ADAMTS1: variants seen among roughly 807,000 people sequenced by gnomAD.
ADAMTS1 encodes the protein A disintegrin and metalloproteinase with thrombospondin motifs 1.
Under a neutral mutation model 87.9 loss-of-function variants are expected in ADAMTS1, and 19 were observed. The ratio of observed to expected loss-of-function variants is 0.22; its 90% CI spans 0.15 to 0.32. The LOEUF is 0.32. Ranked by LOEUF, ADAMTS1 falls within the 10% of genes least tolerant of loss-of-function variation. The pLI, the probability that ADAMTS1 is intolerant of heterozygous loss-of-function variation, is 1.00. For missense variants in ADAMTS1, 1,240 were observed against 1,259.1 expected (o/e 0.98, Z 0.23); for synonymous variants, 542 against 501.8 (o/e 1.08, Z -1.07).
chr21:26,841,737 T>C, intron 3 of ADAMTS1, 121 bp downstream of exon 3: 1 of 1,134,504 alleles, frequency 8.8e-7, no homozygotes, highest in Non-Finnish European at 1.2e-6. Context: ...ATATTTTCTA[T>C]AGTTTCTAAG....
At position 26,837,638 on chromosome 21, in the gene ADAMTS1, CACAGCTCTCATGAGATA is replaced by C. The variant is rs1179890569; in HGVS notation, c.2828_2844del (p.Leu943Ter). 6.2e-7 allele frequency: 1 copy of C among 1,614,194 alleles called. No homozygotes were observed. Among genetic ancestry groups the C allele is most frequent in the Non-Finnish European group, 8.5e-7 (1 of 1,180,048 alleles). On this transcript the variant is annotated frameshift_variant, in exon 9 of 9. Transcript: ENST00000284984. LOFTEE classifies it high-confidence loss of function. The stretch of plus-strand genomic sequence containing the variant: ...AAATGTTTAGGTTTCTTTAAAGGAT[CACAGCTCTCATGAGATA>C]ACACCCCTCCATCATGGGACAGACA...
intron 1 of ADAMTS1, chr21:26,843,734 C>T (rs755680358): frequency 1.4e-5 from 7 of 502,058 alleles, no homozygotes; most frequent in African/African-American, 1.4e-4. Context: ...CGTAGCCGCT[C>T]AGGGTACCTT....
At position 26,844,749 on chromosome 21, in the gene ADAMTS1, G is replaced by C. The variant is rs375835272; in HGVS notation, c.206C>G (p.Pro69Arg). 62 of 1,560,862 alleles carry C rather than the reference G, an allele frequency of 4.0e-5. No individual in the cohort carries two copies. Among genetic ancestry groups the C allele is most frequent in the African/African-American group, 6.8e-5 (5 of 74,058 alleles). Residue 69 changes from proline (P) to arginine (R), a missense_variant, in exon 1 of 9, where the codon CCG becomes CGG. Pro to Arg is a moderately radical substitution (Grantham distance 103). Transcript: ENST00000284984. ...ELVVPELERA[P>R]GHGTTRLRLH... is the part of the protein sequence containing the mutation. Reference sequence around the variant, plus strand: ...GCGGAGGCGCGTGGTCCCGTGTCCCGGGGCGCGCTCCAGCTCCGGCACCAC... The same window carrying C: ...GCGGAGGCGCGTGGTCCCGTGTCCCCGGGCGCGCTCCAGCTCCGGCACCAC...
At position 26,844,977 on chromosome 21, in the gene ADAMTS1, C is replaced by T. The variant is rs1985591951; in HGVS notation, c.-23G>A. 3 of 1,493,766 alleles carry T rather than the reference C, an allele frequency of 2.0e-6. No individual in the cohort carries two copies. Among genetic ancestry groups the T allele is most frequent in the Non-Finnish European group, 2.7e-6 (3 of 1,125,290 alleles). 92.5% of individuals were successfully genotyped at this position (1,493,766 alleles called of 1,614,324 possible). ...CATTGGAGCCCCAGGAGACACCGCTCGTAGCAGCGCACGGAGCGAGGGACC... is the reference window on the plus strand; with the variant it reads ...CATTGGAGCCCCAGGAGACACCGCTTGTAGCAGCGCACGGAGCGAGGGACC... On this transcript the variant is annotated 5_prime_UTR_variant, in exon 1 of 9. Coordinates refer to ENST00000284984, the MANE Select transcript of ADAMTS1 (RefSeq NM_006988.5).
At chr21:26,839,829 C>CT in intron 6 of ADAMTS1, 46 bp downstream of exon 6, 1 of 1,605,166 alleles carries the variant, frequency 6.2e-7, no homozygotes, top group Non-Finnish European at 8.5e-7. Flanking sequence ...GTGGGTACAT[C>CT]TTTTTTTAAT....
rs141049541 is a variant in ADAMTS1 at position 26,839,662 on chromosome 21, G to T, written c.1953C>A (p.Gly651=). ...GCTTGCACCTGTCCTTTGGTGAGACGCCAGCGTACTTGGGAATCCATTCCA... is the reference window on the plus strand; with the variant it reads ...GCTTGCACCTGTCCTTTGGTGAGACTCCAGCGTACTTGGGAATCCATTCCA... ...PAVEWIPKYA[G]VSPKDRCKLI... The change falls in exon 7 of 9, where the codon GGC becomes GGA. Residue 651 remains glycine (G), a synonymous_variant. Coordinates refer to ENST00000284984, the MANE Select transcript of ADAMTS1 (RefSeq NM_006988.5). The T allele has an allele frequency of 9.3e-6, 15 of 1,613,794 alleles. No individual in the cohort carries two copies. The highest frequency in any genetic ancestry group is 1.3e-5 in the Non-Finnish European group (15 of 1,179,764).
In ADAMTS1 at chr21:26,844,817, C is replaced by T; in HGVS notation, c.138G>A (p.Val46=). 1 of 1,550,690 alleles carries T rather than the reference C, an allele frequency of 6.4e-7. No homozygotes were observed. Among genetic ancestry groups the T allele is most frequent in the Non-Finnish European group, 8.7e-7 (1 of 1,147,790 alleles). ...CGGAGGGGCGCCCGAGTGCGTCCGA[C>T]ACGGCCAGTAGCGCCGCGGCGAGCA... ...LLLLAAALLA[V]SDALGRPSEE... The change falls in exon 1 of 9, where the codon GTG becomes GTA. Residue 46 remains valine (V), a synonymous_variant. Coordinates refer to ENST00000284984, the MANE Select transcript of ADAMTS1 (RefSeq NM_006988.5).
rs402007 is a variant in ADAMTS1 at position 26,845,001 on chromosome 21, C to G, written c.-47G>C. 1,117,026 of 1,477,456 alleles carry G rather than the reference C, an allele frequency of 0.76. 427,087 individuals are homozygous for G. The highest frequency in any genetic ancestry group is 0.9 in the African/African-American group (62,871 of 70,232). 91.5% of individuals were successfully genotyped at this position (1,477,456 alleles called of 1,614,324 possible). A position where few individuals can be genotyped will look rare whatever the true frequency, so the allele number is the denominator to read the frequency against. On this transcript the variant is annotated 5_prime_UTR_variant, in exon 1 of 9. Coordinates refer to ENST00000284984, the MANE Select transcript of ADAMTS1 (RefSeq NM_006988.5). ...TCGTAGCAGCGCACGGAGCGAGGGA[C>G]CTTTAGTTCGGGTCGGGAGAGCAAA...
rs8992 is a variant in ADAMTS1 at position 26,836,635 on chromosome 21, A to G, written c.*944T>C. ...CCCTCAGCAGCCTCCCCACCACAAG[A>G]CAAGTGATCTCAATGTCCCCAAACC... On this transcript the variant is annotated 3_prime_UTR_variant, in exon 9 of 9. Coordinates refer to ENST00000284984, the MANE Select transcript of ADAMTS1 (RefSeq NM_006988.5). The G allele has an allele frequency of 0.079, 12,065 of 152,676 alleles. 620 individuals are homozygous for G. Among genetic ancestry groups the G allele is most frequent in the Non-Finnish European group, 0.12 (7,843 of 68,016 alleles). The allele number at this position is 152,676 out of a possible 1,614,324, so 9.5% of individuals were successfully genotyped here. A position where few individuals can be genotyped will look rare whatever the true frequency, so the allele number is the denominator to read the frequency against.
Position 26,837,652 on chromosome 21 carries a change from G to A in ADAMTS1, c.2831C>T (p.Ser944Phe). 6.2e-7 allele frequency: 1 copy of A among 1,614,178 alleles called. No individual in the cohort carries two copies. The highest frequency in any genetic ancestry group is 8.5e-7 in the Non-Finnish European group (1 of 1,180,042). ...KCLSHDGGVL[S>F]HESCDPLKKP... ...CTTTAAAGGATCACAGCTCTCATGA[G>A]ATAACACCCCTCCATCATGGGACAG... is the stretch of plus-strand genomic sequence containing the variant. The change falls in exon 9 of 9, where the codon TCT becomes TTT. Residue 944 changes from serine (S) to phenylalanine (F), a missense_variant. By Grantham distance (155) the Ser-to-Phe change is radical (BLOSUM62 -2). This residue lies in a region of ADAMTS1 where 402 missense variants were observed against 399.1 expected (regional missense o/e 1.01). Transcript: ENST00000284984.
rs993203338 is a variant in ADAMTS1 at position 26,836,148 on chromosome 21, C to T, written c.*1431G>A. On this transcript the variant is annotated 3_prime_UTR_variant, in exon 9 of 9. Transcript: ENST00000284984. The stretch of plus-strand genomic sequence containing the variant: ...ATTAGAAAAAAATCTTCTATTCAGC[C>T]GTCTTGCTTCACCTTCCTCTAGAAC... The T allele has an allele frequency of 6.6e-6, 1 of 152,202 alleles. No individual in the cohort carries two copies. The highest frequency in any genetic ancestry group is 2.1e-4 in the South Asian group (1 of 4,812). 9.4% of individuals were successfully genotyped at this position (152,202 alleles called of 1,614,324 possible).
At position 26,841,119 on chromosome 21, in the gene ADAMTS1, G is replaced by C; in HGVS notation, c.1257C>G (p.Ser419Arg). 6.2e-7 allele frequency: 1 copy of C among 1,614,144 alleles called. No individual in the cohort carries two copies. The highest frequency in any genetic ancestry group is 8.5e-7 in the Non-Finnish European group (1 of 1,180,030). The change falls in exon 4 of 9, where the codon AGC becomes AGG. Residue 419 changes from serine (S) to arginine (R), a missense_variant. Coordinates refer to ENST00000284984, the MANE Select transcript of ADAMTS1 (RefSeq NM_006988.5). Reference protein sequence around the residue: ...MPHDDAKQCASLNGVNQDSHM... With the variant: ...MPHDDAKQCARLNGVNQDSHM... ...GGGAATCCTGGTTCACACCATTAAG[G>C]CTGGCACACTGCTTTGCATCATCAT... is the stretch of plus-strand genomic sequence containing the variant.
At position 26,837,444 on chromosome 21, in the gene ADAMTS1, C is replaced by T. The variant is rs911458206; in HGVS notation, c.*135G>A. 1.4e-5 allele frequency: 10 copies of T among 724,856 alleles called. No individual in the cohort carries two copies. The highest frequency in any genetic ancestry group is 1.9e-5 in the South Asian group (1 of 53,338). The allele number at this position is 724,856 out of a possible 1,614,324, so 44.9% of individuals were successfully genotyped here. ...TGATTCAACTCCTTTTCTATCTACC[C>T]CCATAATCCCACCTTACTGATACAC... On this transcript the variant is annotated 3_prime_UTR_variant, in exon 9 of 9. Transcript: ENST00000284984.
rs528858463 is a variant in ADAMTS1 at position 26,841,925 on chromosome 21, C to T, written c.1143G>A (p.Pro381=). ...GMADVGTVCD[P]SRSCSVIEDD... ...CTTCTATGACGGAGCAGCTTCTGCT[C>T]GGATCACACACAGTTCCAACATCAG... is the stretch of plus-strand genomic sequence containing the variant. Residue 381 remains proline (P), a synonymous_variant, in exon 3 of 9, where the codon CCG becomes CCA. Transcript: ENST00000284984. 5.1e-5 allele frequency: 82 copies of T among 1,614,112 alleles called. No individual in the cohort carries two copies. Among genetic ancestry groups the T allele is most frequent in the African/African-American group, 4.3e-4 (32 of 75,038 alleles).
At chr21:26,841,260 CT>C (rs1168019024) in intron 3 of ADAMTS1, 95 bp from the exon 4 acceptor site, 6 of 1,370,360 alleles carry the variant, frequency 4.4e-6, no homozygotes, top group Non-Finnish European at 6.1e-6. Context: ...GGGTGGATCA[CT>C]TGAGGTCAGG....
chr21:26,844,148 T>C, intron 1 of ADAMTS1, 77 bp downstream of exon 1: 2 of 1,484,910 alleles, frequency 1.3e-6, no homozygotes, highest in Non-Finnish European at 1.8e-6. Context: ...AGCAGGAGTC[T>C]ACCCTGAAGT....
At position 26,844,430 on chromosome 21, in the gene ADAMTS1, C is replaced by T. The variant is rs751263555; in HGVS notation, c.525G>A (p.Glu175=). 1.3e-6 allele frequency: 2 copies of T among 1,588,316 alleles called. No individual in the cohort carries two copies. Among genetic ancestry groups the T allele is most frequent in the East Asian group, 4.6e-5 (2 of 43,412 alleles). The change falls in exon 1 of 9, where the codon GAG becomes GAA. Residue 175 remains glutamate (E), a synonymous_variant. Coordinates refer to ENST00000284984, the MANE Select transcript of ADAMTS1 (RefSeq NM_006988.5). ...GGAACTGTAGTGGTGCCGGCGGCTT[C>T]TCCCCTGGGGCGGCGGTGGCGAGGC... ...SERLATAAPG[E]KPPAPLQFHL... is the part of the protein sequence containing the mutation.
chr21:26,841,945 C>T lies in ADAMTS1; in HGVS notation c.1123G>A (p.Val375Ile). The change falls in exon 3 of 9, where the codon GTT (valine) becomes ATT (isoleucine). Residue 375 changes from valine to isoleucine, a missense_variant. Val to Ile is a conservative substitution (Grantham distance 29, BLOSUM62 3). Coordinates refer to ENST00000284984, the MANE Select transcript of ADAMTS1 (RefSeq NM_006988.5). ...QTCDTLGMAD[V>I]GTVCDPSRSC... ...CTGCTCGGATCACACACAGTTCCAACATCAGCCATCCCAAGAGTATCACAT... is the reference window on the plus strand; with the variant it reads ...CTGCTCGGATCACACACAGTTCCAATATCAGCCATCCCAAGAGTATCACAT... 6.2e-7 allele frequency: 1 copy of T among 1,614,180 alleles called. No individual in the cohort carries two copies. Among genetic ancestry groups the T allele is most frequent in the South Asian group, 1.1e-5 (1 of 91,082 alleles).
rs746148237 is a variant in ADAMTS1 at position 26,840,397 on chromosome 21, G to C, written c.1544C>G (p.Ser515Cys). ...TCSTLWCTGT[S>C]GGVLVCQTKH... ...GGTTTGACACACCAGCACCCCACCA[G>C]AGGTGCCGGTACACCACAAGGTGCT... The change falls in exon 5 of 9, where the codon TCT becomes TGT. Residue 515 changes from serine to cysteine, a missense_variant. Physicochemically the swap from Ser to Cys is moderately radical, Grantham distance 112. Transcript: ENST00000284984. 1.1e-5 allele frequency: 17 copies of C among 1,614,238 alleles called. No homozygotes were observed. Among genetic ancestry groups the C allele is most frequent in the Non-Finnish European group, 1.4e-5 (16 of 1,180,042 alleles).
Sources: allele counts gnomAD v4.1 joint callset, GRCh38; gene constraint gnomAD v4.1.1; regional missense constraint gnomAD v4.1.1; transcripts MANE v1.5; gene names NCBI Gene and HGNC (gene_info 2026-07-23, HGNC 2026-07-21).